SNTB1: variants seen among roughly 807,000 people sequenced by gnomAD.
SNTB1 encodes the protein syntrophin beta 1, also known as beta-1-syntrophin.
SNTB1 carries 36 observed loss-of-function variants against 48.9 expected under a neutral mutation model. The observed-to-expected ratio is 0.74, with a 90% CI of 0.56 to 0.97. The LOEUF is 0.97. SNTB1 is among the 50% of genes least tolerant of loss of function. The pLI is 0.00. For synonymous variants in SNTB1, 299 were observed against 294.6 expected, an observed-to-expected ratio of 1.01 and a Z score of -0.15; for missense variants, 786 against 703.4, an observed-to-expected ratio of 1.12 and a Z score of -1.33.
At chr8:120,796,031 T>A (rs143386217) in intron 1 of SNTB1, among the ~76,000 whole-genome samples, 6 of 152,148 alleles carry the variant, frequency 3.9e-5, no homozygotes, top group African/African-American at 7.2e-5. Context: ...ATCCCCCAGG[T>A]TGGACTAGGG....
chr8:120,593,951 C>T (rs1239575463), intron 3 of SNTB1, among the ~76,000 whole-genome samples: 1 of 152,200 alleles, frequency 6.6e-6, no homozygotes, highest in African/African-American at 2.4e-5. Context: ...TTGTTCACTT[C>T]ACTCAATTCA....
At chr8:120,691,081 C>T (rs2129853824) in intron 2 of SNTB1, among the ~76,000 whole-genome samples, 1 of 152,348 alleles carries the variant, frequency 6.6e-6, no homozygotes, top group East Asian at 1.9e-4. Context: ...TTCTCCTCTA[C>T]TGGCTTGATA....
At chr8:120,680,672 T>C (rs1338073425) in intron 2 of SNTB1, among the ~76,000 whole-genome samples, 1 of 152,216 alleles carries the variant, frequency 6.6e-6, no homozygotes, top group Non-Finnish European at 1.5e-5. Context: ...GATGCCTGCA[T>C]GATAGCATTG....
rs1033529119 is a variant in SNTB1, at chr8:120,537,262, C to A, written c.*1615G>T. ...CACCGGATTTCGCCTTGAAGAACCA[C>A]AATGAACTTTAAAATCTTCAAGGAG... is the stretch of plus-strand genomic sequence containing the variant. On this transcript the variant is annotated 3_prime_UTR_variant, in exon 7 of 7. Coordinates refer to ENST00000517992, the MANE Select transcript of SNTB1 (RefSeq NM_021021.4). 1.3e-5 allele frequency: 2 copies of A among 152,032 alleles called. No individual in the cohort carries two copies. The highest frequency in any genetic ancestry group is 4.8e-5 in the African/African-American group (2 of 41,402). 9.4% of individuals were successfully genotyped at this position (152,032 alleles called of 1,614,324 possible).
chr8:120,694,195 G>T (rs1014265993), intron 1 of SNTB1, among the ~76,000 whole-genome samples: 1 of 151,734 alleles, frequency 6.6e-6, no homozygotes, highest in Admixed American at 6.5e-5. Flanking sequence ...TTTAAGTTTT[G>T]CATTCTGGGA....
At chr8:120,583,549 AC>A (rs1563823664) in intron 3 of SNTB1, among the ~76,000 whole-genome samples, 3 of 151,676 alleles carry the variant, frequency 2.0e-5, no homozygotes, top group Admixed American at 6.6e-5. Flanking sequence ...ACACACACAC[AC>A]ACACACACAC....
chr8:120,634,580 G>T (rs775103329), intron 2 of SNTB1, among the ~76,000 whole-genome samples: 7 of 152,128 alleles, frequency 4.6e-5, no homozygotes, highest in African/African-American at 7.2e-5. Flanking sequence ...CTTATGGGGG[G>T]CACTCACTGT....
chr8:120,642,109 G>C (rs1817205452), intron 2 of SNTB1, among the ~76,000 whole-genome samples: 1 of 152,174 alleles, frequency 6.6e-6, no homozygotes, highest in African/African-American at 2.4e-5. Context: ...CTCTAGTCAA[G>C]TTTGAGAAGG....
intron 6 of SNTB1, among the ~76,000 whole-genome samples, chr8:120,539,227 C>T (rs1815246629): frequency 6.6e-6 from 1 of 152,112 alleles, no homozygotes; most frequent in African/African-American, 2.4e-5. Flanking sequence ...TGATGTTGCC[C>T]TTCTTGACTG....
intron 1 of SNTB1, among the ~76,000 whole-genome samples, chr8:120,757,859 G>A (rs1819343814): frequency 7.4e-6 from 1 of 135,470 alleles, no homozygotes; most frequent in African/African-American, 2.6e-5. Context: ...GTGAAGCAGG[G>A]ACATGTGAGC....
chr8:120,580,937 A>G (rs1816037778), intron 3 of SNTB1, among the ~76,000 whole-genome samples: 2 of 152,048 alleles, frequency 1.3e-5, no homozygotes, highest in South Asian at 2.1e-4. Flanking sequence ...CAAGACGTCT[A>G]GAGCTGGTTG....
intron 1 of SNTB1, among the ~76,000 whole-genome samples, chr8:120,761,599 A>G (rs2130067307): frequency 6.6e-6 from 1 of 152,344 alleles, no homozygotes; most frequent in Non-Finnish European, 1.5e-5. Context: ...ATAAAATTGA[A>G]AAAGAAAAAG....
intron 2 of SNTB1, among the ~76,000 whole-genome samples, chr8:120,633,380 C>T (rs765875339): frequency 2.9e-4 from 44 of 152,076 alleles, no homozygotes; most frequent in Non-Finnish European, 4.3e-4. Context: ...CTGAGGTGGG[C>T]AGATCACCTG....
intron 2 of SNTB1, among the ~76,000 whole-genome samples, chr8:120,691,984 C>G (rs1818136259): frequency 6.6e-6 from 1 of 152,196 alleles, no homozygotes; most frequent in Non-Finnish European, 1.5e-5. Flanking sequence ...CCCAGGAACT[C>G]TGCAGAAATT....
chr8:120,604,509 A>C (rs1816479146), intron 3 of SNTB1, among the ~76,000 whole-genome samples: 1 of 150,488 alleles, frequency 6.6e-6, no homozygotes, highest in African/African-American at 2.5e-5. Context: ...GCTGGAGTGA[A>C]GTGGTGTGAT....
At chr8:120,647,003 A>G (rs1260419026) in intron 2 of SNTB1, among the ~76,000 whole-genome samples, 3 of 151,492 alleles carry the variant, frequency 2.0e-5, no homozygotes, top group African/African-American at 4.9e-5. Flanking sequence ...TGTGGGATCG[A>G]TGGTGATATC....
At chr8:120,619,209 A>C (rs956438837) in intron 3 of SNTB1, among the ~76,000 whole-genome samples, 3 of 152,100 alleles carry the variant, frequency 2.0e-5, no homozygotes, top group Non-Finnish European at 2.9e-5. Flanking sequence ...TTTTATATAA[A>C]CTTTAGAAAG....
At position 120,776,060 on chromosome 8, in the gene SNTB1, C is replaced by T. The variant is rs555378672; in HGVS notation, c.571+35213G>A. Among the ~76,000 whole-genome samples the T allele has an allele frequency of 6.6e-4, 101 of 152,296 alleles. 1 individual carries two copies. Among genetic ancestry groups the T allele is most frequent in the Non-Finnish European group, 1.3e-3 (91 of 68,034 alleles). On this transcript the variant is annotated intron_variant, in intron 1 of 6. Coordinates refer to ENST00000517992, the MANE Select transcript of SNTB1 (RefSeq NM_021021.4). ...CCTCAAAGATCTAGAACTAGAAATT[C>T]CATTTGACCCAGCCATCCCATTACT...
intron 4 of SNTB1, among the ~76,000 whole-genome samples, chr8:120,564,436 G>A (rs894483963): frequency 6.6e-6 from 1 of 151,264 alleles, no homozygotes; most frequent in African/African-American, 2.4e-5. Flanking sequence ...GGGGCTTCCA[G>A]CCTCTAGAAT....
Sources: allele counts gnomAD v4.1 joint callset (sites outside exome capture counted in the v4.1 genomes callset), GRCh38; gene constraint gnomAD v4.1.1; transcripts MANE v1.5; gene names NCBI Gene and HGNC (gene_info 2026-07-23, HGNC 2026-07-21).